ADPRHL1: variants seen among roughly 807,000 people sequenced by gnomAD.
ADPRHL1 encodes the protein inactive ADP-ribosyltransferase ARH2.
In ADPRHL1, 43 loss-of-function variants were observed where a neutral mutation model predicts 44.1. The ratio of observed to expected loss-of-function variants is 0.98; its 90% CI spans 0.76 to 1.26. The LOEUF is 1.26. ADPRHL1 is among the 50% of genes most tolerant of loss of function. ADPRHL1 has a pLI of 0.00. For synonymous variants in ADPRHL1, 878 were observed against 1,017.4 expected (o/e 0.86, Z 2.61); for missense variants, 2,022 against 2,496.9 (o/e 0.81, Z 4.05).
rs576139473 is a variant in ADPRHL1, at chr13:113,437,482, C to T, written c.380-3615G>A. 2.0e-5 allele frequency among the ~76,000 whole-genome samples: 3 copies of T among 152,346 alleles called. No individual in the cohort carries two copies. The East Asian group carries it at 5.8e-4, about 29-fold the overall frequency. ...TGCCCTCTGCAATCCGTCCTCCTGCCTCTCCCAAGCCCCACTGCTGCGACC... is the reference window on the plus strand; with the variant it reads ...TGCCCTCTGCAATCCGTCCTCCTGCTTCTCCCAAGCCCCACTGCTGCGACC... On this transcript the variant is annotated intron_variant, in intron 2 of 7. Coordinates refer to ENST00000612156, the MANE Select transcript of ADPRHL1 (RefSeq NM_001394807.1).
chr13:113,409,963 C>A lies in ADPRHL1; in HGVS notation c.1062-1743G>T, dbSNP rs1311423045. On this transcript the variant is annotated intron_variant, in intron 7 of 7. Transcript: ENST00000612156. The surrounding 1 kb of genome is among the most constrained non-coding windows in gnomAD (Gnocchi z 4.2). ...CGGAAGGAAATGTGTGAACATACTT[C>A]TCTTTTTGTGTTTGTCTGCATTTTT... 1.0e-6 allele frequency: 1 copy of A among 984,794 alleles called. No homozygotes were observed. The highest frequency in any genetic ancestry group is 1.1e-4 in the East Asian group (1 of 8,784). The allele number at this position is 984,794 out of a possible 1,614,324, so 61.0% of individuals were successfully genotyped here.
In ADPRHL1 at chr13:113,409,389, A is replaced by C. The variant is rs576066972; in HGVS notation, c.1062-1169T>G. On this transcript the variant is annotated intron_variant, in intron 7 of 7. Coordinates refer to ENST00000612156, the MANE Select transcript of ADPRHL1 (RefSeq NM_001394807.1). This position sits in a 1 kb window ranked among gnomAD's most constrained non-coding sequence, Gnocchi z 4.2. ...ATTCATTCTAAGGAGATCATCAGGG[A>C]TGAGGAACAAAGACTCGAGTATTAC... The C allele has an allele frequency of 5.1e-6, 5 of 985,394 alleles. No homozygotes were observed. The East Asian group carries it at 5.7e-4, about 112-fold the overall frequency. 61.0% of individuals were successfully genotyped at this position (985,394 alleles called of 1,614,324 possible).
Position 113,422,949 on chromosome 13 carries a change from C to A in ADPRHL1, c.938G>T (p.Gly313Val). ...GESAATGTIA[G>V]CLFGLLYGLD... is the part of the protein sequence containing the mutation. ...GCCGTACAGCAACCCGAACAGGCAG[C>A]CTGCAATGGTGCCCGTGGCCGCGCT... The change falls in exon 7 of 8, where the codon GGC (glycine) becomes GTC (valine). Residue 313 changes from glycine to valine, a missense_variant. By Grantham distance (109) the Gly-to-Val change is moderately radical (BLOSUM62 -3). Coordinates refer to ENST00000612156, the MANE Select transcript of ADPRHL1 (RefSeq NM_001394807.1). 1 of 1,612,910 alleles carries A rather than the reference C, an allele frequency of 6.2e-7. No homozygotes were observed. The highest frequency in any genetic ancestry group is 8.5e-7 in the Non-Finnish European group (1 of 1,179,980).
chr13:113,418,162 T>C (rs1432970773), intron 7 of ADPRHL1, among the ~76,000 whole-genome samples: 7 of 152,206 alleles, frequency 4.6e-5, no homozygotes, highest in African/African-American at 1.7e-4. Context: ...ACTGCAGCTC[T>C]GGGAGAAATA....
intron 2 of ADPRHL1, among the ~76,000 whole-genome samples, chr13:113,438,997 A>G (rs920956662): frequency 1.3e-5 from 2 of 152,232 alleles, no homozygotes; most frequent in African/African-American, 4.8e-5. Context: ...AGAAAAATGA[A>G]TTTGGGAAGT....
chr13:113,453,405 C>G lies in ADPRHL1; in HGVS notation c.33G>C (p.Gly11=). Residue 11 remains glycine, a synonymous_variant, in exon 1 of 8, where the codon GGG becomes GGC. Coordinates refer to ENST00000612156, the MANE Select transcript of ADPRHL1 (RefSeq NM_001394807.1). This position sits in a 1 kb window ranked among gnomAD's most constrained non-coding sequence, Gnocchi z 5.4. Reference sequence around the variant, plus strand: ...TGTAGCCAAGAGCATCGCCGACGCTCCCCAGCAACATCGCAGCCTTAAATT... The same window carrying G: ...TGTAGCCAAGAGCATCGCCGACGCTGCCCAGCAACATCGCAGCCTTAAATT... MEKFKAAMLL[G]SVGDALGYRN... The G allele has an allele frequency of 6.2e-7, 1 of 1,614,174 alleles. No homozygotes were observed. Among genetic ancestry groups the G allele is most frequent in the South Asian group, 1.1e-5 (1 of 91,080 alleles).
chr13:113,406,694 A>G lies in ADPRHL1; in HGVS notation c.2588T>C (p.Met863Thr), dbSNP rs893875069. 1.5e-5 allele frequency: 19 copies of G among 1,231,864 alleles called. No homozygotes were observed. The East Asian group carries it at 6.0e-4, about 39-fold the overall frequency. 76.3% of individuals were successfully genotyped at this position (1,231,864 alleles called of 1,614,324 possible). A position where few individuals can be genotyped will look rare whatever the true frequency, so the allele number is the denominator to read the frequency against. Residue 863 changes from methionine (M) to threonine (T), a missense_variant, in exon 8 of 8, where the codon ATG (methionine) becomes ACG (threonine). Met to Thr is a moderately conservative substitution (Grantham distance 81). Coordinates refer to ENST00000612156, the MANE Select transcript of ADPRHL1 (RefSeq NM_001394807.1). ...MPAPPTRLQN[M>T]SSGENKPCIC... Reference sequence around the variant, plus strand: ...ACAAGGTTTGTTTTCACCACTTGACATATTTTGCAGCCTGGTGGGAGGGGC... The same window carrying G: ...ACAAGGTTTGTTTTCACCACTTGACGTATTTTGCAGCCTGGTGGGAGGGGC...
In ADPRHL1 at chr13:113,403,364, G is replaced by A. The variant is rs2043776905; in HGVS notation, c.*14C>T. Reference sequence around the variant, plus strand: ...GTCACAGTGCTGGGCGAGCCACGGTGTGTACTCGGGGCCTCACTTTGGGAG... The same window carrying A: ...GTCACAGTGCTGGGCGAGCCACGGTATGTACTCGGGGCCTCACTTTGGGAG... On this transcript the variant is annotated 3_prime_UTR_variant, in exon 8 of 8. Transcript: ENST00000612156. 1 of 1,231,894 alleles carries A rather than the reference G, an allele frequency of 8.1e-7. No individual in the cohort carries two copies. The highest frequency in any genetic ancestry group is 1.0e-6 in the Non-Finnish European group (1 of 987,848). The allele number at this position is 1,231,894 out of a possible 1,614,324, so 76.3% of individuals were successfully genotyped here. A position where few individuals can be genotyped will look rare whatever the true frequency, so the allele number is the denominator to read the frequency against.
intron 3 of ADPRHL1, among the ~76,000 whole-genome samples, chr13:113,433,517 A>T (rs970117234): frequency 6.6e-6 from 1 of 152,240 alleles, no homozygotes; most frequent in Non-Finnish European, 1.5e-5. Context: ...AAATAAAAAA[A>T]TCGATGTGAA....
intron 7 of ADPRHL1, among the ~76,000 whole-genome samples, chr13:113,410,701 C>A (rs1229055078): frequency 1.5e-5 from 2 of 134,336 alleles, no homozygotes; most frequent in African/African-American, 3.3e-5. Context: ...GCCGCCCACA[C>A]CCCCCTGAAC....
chr13:113,435,534 G>A (rs371444020), intron 2 of ADPRHL1, among the ~76,000 whole-genome samples: 27 of 6,202 alleles, frequency 4.4e-3, no homozygotes, highest in African/African-American at 8.5e-3. Flanking sequence ...CCAGGTGTAG[G>A]GTGAACATAG....
intron 7 of ADPRHL1, among the ~76,000 whole-genome samples, 168 bp from the exon 8 acceptor site, chr13:113,408,388 G>A (rs951232101): frequency 6.6e-6 from 1 of 152,226 alleles, no homozygotes; most frequent in Non-Finnish European, 1.5e-5. Flanking sequence ...TGTCTCTGCT[G>A]TTAATTCGGG....
Position 113,409,385 on chromosome 13 carries a change from A to T in ADPRHL1, c.1062-1165T>A. On this transcript the variant is annotated intron_variant, in intron 7 of 7. Coordinates refer to ENST00000612156, the MANE Select transcript of ADPRHL1 (RefSeq NM_001394807.1). The surrounding 1 kb of genome is among the most constrained non-coding windows in gnomAD (Gnocchi z 4.2). ...AGTCATTCATTCTAAGGAGATCATC[A>T]GGGATGAGGAACAAAGACTCGAGTA... 1 of 985,414 alleles carries T rather than the reference A, an allele frequency of 1.0e-6. No homozygotes were observed. The highest frequency in any genetic ancestry group is 1.2e-6 in the Non-Finnish European group (1 of 829,934). The allele number at this position is 985,414 out of a possible 1,614,324, so 61.0% of individuals were successfully genotyped here.
Position 113,406,436 on chromosome 13 carries a change from T to C in ADPRHL1, c.2846A>G (p.Gln949Arg), listed in dbSNP as rs1020327570. 4 of 1,231,956 alleles carry C rather than the reference T, an allele frequency of 3.2e-6. No homozygotes were observed. In the African/African-American group the frequency reaches 6.2e-5, roughly 19 times the overall value. The allele number at this position is 1,231,956 out of a possible 1,614,324, so 76.3% of individuals were successfully genotyped here. Residue 949 changes from glutamine (Q) to arginine (R), a missense_variant, in exon 8 of 8, where the codon CAG becomes CGG. Coordinates refer to ENST00000612156, the MANE Select transcript of ADPRHL1 (RefSeq NM_001394807.1). ...VPETLLTQRLQTDPAGGKENK... is the reference protein window; with the variant it reads ...VPETLLTQRLRTDPAGGKENK... ...TTCCTTCCCGCCAGCAGGATCTGTC[T>C]GGAGTCTCTGTGTCAGAAGTGTCTC...
chr13:113,420,525 G>A (rs1002386052), intron 7 of ADPRHL1, among the ~76,000 whole-genome samples: 2 of 152,032 alleles, frequency 1.3e-5, no homozygotes, highest in East Asian at 1.9e-4. Flanking sequence ...CAACAGTTCC[G>A]ACTTACCTTA....
chr13:113,424,721 T>TCCATCC, intron 5 of ADPRHL1, among the ~76,000 whole-genome samples: 1 of 64,236 alleles, frequency 1.6e-5, no homozygotes, highest in Non-Finnish European at 3.0e-5. Context: ...CCCACACATT[T>TCCATCC]ACCTACCCAT....
At chr13:113,420,571 A>C (rs536598069) in intron 7 of ADPRHL1, among the ~76,000 whole-genome samples, 1 of 152,106 alleles carries the variant, frequency 6.6e-6, no homozygotes, top group South Asian at 2.1e-4. Flanking sequence ...ATTCTCAGTT[A>C]ATTTCCCCAC....
intron 7 of ADPRHL1, among the ~76,000 whole-genome samples, chr13:113,413,395 G>A (rs76212824): frequency 0.02 from 3,090 of 150,854 alleles, 108 homozygotes; most frequent in African/African-American, 0.071. Flanking sequence ...TGAGCCCCAC[G>A]GTGACCCACA....
intron 7 of ADPRHL1, among the ~76,000 whole-genome samples, chr13:113,410,975 C>T (rs920441617): frequency 6.6e-6 from 1 of 152,204 alleles, no homozygotes; most frequent in African/African-American, 2.4e-5. Flanking sequence ...CACGTTTTGT[C>T]CCCGCTCTGG....
Sources: allele counts gnomAD v4.1 joint callset (sites outside exome capture counted in the v4.1 genomes callset), GRCh38; gene constraint gnomAD v4.1.1; non-coding constraint Gnocchi (gnomAD v3.1); transcripts MANE v1.5; gene names NCBI Gene and HGNC (gene_info 2026-07-23, HGNC 2026-07-21).